Variants in GRIP1 observed in about 807,000 individuals in gnomAD.
GRIP1 encodes the protein glutamate receptor interacting protein 1.
A neutral mutation model predicts 129.9 loss-of-function variants in GRIP1; 45 were observed. That is an observed-to-expected ratio of 0.35 (90% CI 0.27 to 0.44). The LOEUF is 0.44. Ranked by LOEUF, GRIP1 falls within the 20% of genes least tolerant of loss-of-function variation. GRIP1 has a pLI of 1.00. For missense variants in GRIP1, 1,196 were observed against 1,396.8 expected (o/e 0.86, Z 2.29); for synonymous variants, 530 against 520.8 (o/e 1.02, Z -0.24).
In GRIP1 at chr12:66,958,563, G is replaced by C. The variant is rs1420384443; in HGVS notation, c.58+110487C>G. 2.0e-5 allele frequency among the ~76,000 whole-genome samples: 3 copies of C among 152,092 alleles called. No individual in the cohort carries two copies. In the East Asian group the frequency reaches 5.8e-4, roughly 29 times the overall value. ...TTCTTTTATTGGAGAATGGTATTAG[G>C]AACCAAAATTTGGGTCCTAGGTATA... On this transcript the variant is annotated intron_variant, in intron 1 of 1. Coordinates refer to the GRIP1 transcript ENST00000643019.
chr12:66,965,232 A>C (rs765198744), intron 1 of GRIP1, among the ~76,000 whole-genome samples: 4 of 152,108 alleles, frequency 2.6e-5, no homozygotes, highest in Admixed American at 6.6e-5. Flanking sequence ...CATATCCTTC[A>C]ATCAGTAAAT....
rs146876713 is a variant in GRIP1 at position 66,962,599 on chromosome 12, G to A, written c.58+106451C>T. On this transcript the variant is annotated intron_variant, in intron 1 of 1. Transcript: ENST00000643019. The stretch of plus-strand genomic sequence containing the variant: ...CATTAAGGCGTCAATTAAAGAAGAC[G>A]ACAGATAAAAAACTGCAAACATACA... Among the ~76,000 whole-genome samples the A allele has an allele frequency of 1.6e-4, 25 of 152,182 alleles. No homozygotes were observed. The East Asian group carries it at 3.5e-3, about 21-fold the overall frequency.
chr12:66,817,212 A>G (rs1373251771), intron 1 of GRIP1, among the ~76,000 whole-genome samples: 1 of 135,516 alleles, frequency 7.4e-6, no homozygotes, highest in East Asian at 2.0e-4. Context: ...GCACACACAC[A>G]CACACACACA....
intron 5 of GRIP1, among the ~76,000 whole-genome samples, chr12:66,522,582 G>A (rs2061055405): frequency 6.6e-6 from 1 of 152,090 alleles, no homozygotes; most frequent in African/African-American, 2.4e-5. Flanking sequence ...ACAAAGATGG[G>A]GAAAAAACAG....
At chr12:67,032,425 T>C (rs975211252) in intron 1 of GRIP1, among the ~76,000 whole-genome samples, 3 of 152,206 alleles carry the variant, frequency 2.0e-5, no homozygotes, top group Non-Finnish European at 4.4e-5. Flanking sequence ...ATAGACCCTC[T>C]TTAATGTTGT....
chr12:66,617,930 T>C (rs1306378261), intron 1 of GRIP1, among the ~76,000 whole-genome samples: 3 of 152,028 alleles, frequency 2.0e-5, no homozygotes, highest in Admixed American at 6.6e-5. Flanking sequence ...GAATATGATC[T>C]GATATAACCT....
At chr12:66,532,114 C>CT (rs1329518193) in intron 4 of GRIP1, among the ~76,000 whole-genome samples, 1 of 152,158 alleles carries the variant, frequency 6.6e-6, no homozygotes, top group Non-Finnish European at 1.5e-5. Flanking sequence ...TTTAGATTAT[C>CT]TACGCTATTG....
intron 4 of GRIP1, among the ~76,000 whole-genome samples, chr12:66,531,455 C>A (rs991918199): frequency 3.3e-5 from 5 of 151,470 alleles, no homozygotes; most frequent in Non-Finnish European, 7.4e-5. Flanking sequence ...ATTCTGAACC[C>A]TCAAGGGAAG....
chr12:66,540,539 A>G (rs954996748), intron 3 of GRIP1, among the ~76,000 whole-genome samples: 4 of 152,206 alleles, frequency 2.6e-5, no homozygotes, highest in African/African-American at 9.7e-5. Context: ...GCCTAAAGAA[A>G]GCAGATTGAG....
intron 1 of GRIP1, among the ~76,000 whole-genome samples, chr12:67,066,411 G>T (rs1259700788): frequency 6.6e-6 from 1 of 152,122 alleles, no homozygotes; most frequent in Non-Finnish European, 1.5e-5. Context: ...CTCAAGAAGA[G>T]ATTTTACTAA....
At chr12:66,493,630 G>A (rs1017242083) in intron 7 of GRIP1, among the ~76,000 whole-genome samples, 4 of 152,168 alleles carry the variant, frequency 2.6e-5, no homozygotes, top group Non-Finnish European at 5.9e-5. Context: ...GAGCCAAATA[G>A]TTCTGTGGAT....
rs540468070 is a variant in GRIP1 at position 66,371,821 on chromosome 12, G to C, written c.2885C>G (p.Pro962Arg). 1 of 1,613,492 alleles carries C rather than the reference G, an allele frequency of 6.2e-7. No homozygotes were observed. The highest frequency in any genetic ancestry group is 8.5e-7 in the Non-Finnish European group (1 of 1,179,474). ...GCTCCGAGTTGTTTGGCTGTAGTGC[G>C]GCCGCGAGCTGCTGCGCTCCTGGAA... ...ASFQERSSSR[P>R]HYSQTTRSNT... is the part of the protein sequence containing the mutation. The change falls in exon 23 of 25, where the codon CCG (proline) becomes CGG (arginine). Residue 962 changes from proline to arginine, a missense_variant. Physicochemically the swap from Pro to Arg is moderately radical, Grantham distance 103. Around this residue, in one of 5 missense-constraint regions of GRIP1, gnomAD observed 427 missense variants for 463.3 expected, o/e 0.92. Coordinates refer to ENST00000359742, the MANE Select transcript of GRIP1 (RefSeq NM_001366722.1).
chr12:66,468,134 G>A (rs1044917375), intron 7 of GRIP1, among the ~76,000 whole-genome samples: 1 of 152,196 alleles, frequency 6.6e-6, no homozygotes, highest in Admixed American at 6.5e-5. Flanking sequence ...GCAGCAAGGT[G>A]TAGCCATAGG....
At chr12:66,649,918 G>A (rs562583840) in intron 1 of GRIP1, among the ~76,000 whole-genome samples, 2 of 152,322 alleles carry the variant, frequency 1.3e-5, no homozygotes. Context: ...AACCAAAGTG[G>A]TGTGTTTTAG....
chr12:67,029,276 T>C (rs2042985237), intron 1 of GRIP1, among the ~76,000 whole-genome samples: 1 of 152,054 alleles, frequency 6.6e-6, no homozygotes, highest in African/African-American at 2.4e-5. Flanking sequence ...AGTCATGTTG[T>C]TGTTGTTATC....
intron 19 of GRIP1, among the ~76,000 whole-genome samples, chr12:66,391,681 G>A (rs113907978): frequency 1.5e-3 from 233 of 152,158 alleles, no homozygotes; most frequent in African/African-American, 4.7e-3. Context: ...ACAAGACCCC[G>A]TATCTACAAA....
chr12:67,045,917 G>T, intron 1 of GRIP1, among the ~76,000 whole-genome samples: 1 of 152,208 alleles, frequency 6.6e-6, no homozygotes, highest in Non-Finnish European at 1.5e-5. Context: ...CACTGGCTGG[G>T]CCTGAGAAGG....
chr12:66,855,984 T>TA (rs77216441), intron 1 of GRIP1, among the ~76,000 whole-genome samples: 13,601 of 151,476 alleles, frequency 0.09, 678 homozygotes, highest in South Asian at 0.18. Context: ...TAATAAAAAT[T>TA]AAAAAAAAGG....
At chr12:66,608,487 C>A (rs550939462) in intron 1 of GRIP1, among the ~76,000 whole-genome samples, 2 of 152,278 alleles carry the variant, frequency 1.3e-5, no homozygotes, top group Admixed American at 6.5e-5. Flanking sequence ...TGCATACCAC[C>A]ATGACTGGCT....
Sources: allele counts gnomAD v4.1 joint callset (sites outside exome capture counted in the v4.1 genomes callset), GRCh38; gene constraint gnomAD v4.1.1; regional missense constraint gnomAD v4.1.1; transcripts MANE v1.5; gene names NCBI Gene and HGNC (gene_info 2026-07-23, HGNC 2026-07-21).